The following LARP4B variants were observed in gnomAD, a reference collection of about 807,000 sequenced individuals.
LARP4B encodes the protein La ribonucleoprotein 4B, also known as la-related protein 4B.
A neutral mutation model predicts 89.8 loss-of-function variants in LARP4B; 12 were observed. The ratio of observed to expected loss-of-function variants is 0.13; its 90% CI spans 0.09 to 0.22. LARP4B has a LOEUF of 0.22. LARP4B is among the 10% of genes least tolerant of loss of function. The pLI, the probability that LARP4B is intolerant of heterozygous loss-of-function variation, is 1.00. For synonymous variants in LARP4B, 367 were observed against 363.3 expected (o/e 1.01, Z -0.12); for missense variants, 757 against 947.7 (o/e 0.80, Z 2.64).
chr10:948,398 C>T, the LARP4B span, among the ~76,000 whole-genome samples: 1 of 152,170 alleles, frequency 6.6e-6, no homozygotes, highest in Non-Finnish European at 1.5e-5. Context: ...AGGTGCCCAC[C>T]ACCACAACTG....
At chr10:949,523 A>G in the LARP4B span, among the ~76,000 whole-genome samples, 1 of 151,162 alleles carries the variant, frequency 6.6e-6, no homozygotes, top group Non-Finnish European at 1.5e-5. Flanking sequence ...GTGACCTCCA[A>G]CCCGTTTTCC....
At chr10:959,220 G>A in the LARP4B span, among the ~76,000 whole-genome samples, 50 of 152,276 alleles carry the variant, frequency 3.3e-4, no homozygotes, top group Middle Eastern at 3.4e-3. Context: ...TGGGCTGCAG[G>A]GGTGTGGAAA....
intron 1 of LARP4B, among the ~76,000 whole-genome samples, chr10:912,598 G>A (rs555349639): frequency 1.1e-4 from 16 of 150,984 alleles, no homozygotes; most frequent in South Asian, 2.1e-4. Flanking sequence ...ATGGCCGAGC[G>A]CATTGGCTCA....
chr10:814,704 G>C lies in LARP4B; in HGVS notation c.1929+38C>G. The stretch of plus-strand genomic sequence containing the variant: ...CAGCGTCTGTTCACACCAGAGCCTC[G>C]CGGCTGTCGTGCAGGAAGGCAGGCA... On this transcript the variant is annotated intron_variant, in intron 17 of 17. Coordinates refer to ENST00000316157, the MANE Select transcript of LARP4B (RefSeq NM_015155.3). The surrounding 1 kb of genome is among the most constrained non-coding windows in gnomAD (Gnocchi z 4.4). 6.4e-7 allele frequency: 1 copy of C among 1,562,642 alleles called. No homozygotes were observed. Among genetic ancestry groups the C allele is most frequent in the Non-Finnish European group, 8.7e-7 (1 of 1,152,936 alleles).
intron 9 of LARP4B, among the ~76,000 whole-genome samples, chr10:830,298 C>T (rs965794018): frequency 9.2e-5 from 14 of 152,230 alleles, no homozygotes; most frequent in Admixed American, 5.2e-4. Context: ...GTTACTCTAT[C>T]TTCCGTTCCC....
In LARP4B at chr10:836,789, A is replaced by G. The variant is rs1833245455; in HGVS notation, c.647-283T>C. Among the ~76,000 whole-genome samples the G allele has an allele frequency of 2.6e-5, 4 of 152,342 alleles. 1 individual carries two copies. The South Asian group carries it at 8.3e-4, about 32-fold the overall frequency. On this transcript the variant is annotated intron_variant, in intron 7 of 17. Transcript: ENST00000316157. ...GGTTAACGGCTTTCTCCTTTCCACC[A>G]GTACCTAAAGTGAGATAATCTTGTT...
At chr10:944,273 C>A in the LARP4B span, among the ~76,000 whole-genome samples, 42 of 152,276 alleles carry the variant, frequency 2.8e-4, no homozygotes, top group Admixed American at 7.2e-4. Flanking sequence ...CCTAGTAAGA[C>A]AATTGCATTC....
chr10:908,030 AC>A (rs1836542169), intron 1 of LARP4B, among the ~76,000 whole-genome samples: 1 of 152,144 alleles, frequency 6.6e-6, no homozygotes, highest in Admixed American at 6.5e-5. Flanking sequence ...ACATGGTGAA[AC>A]CCCATCTCTA....
intron 8 of LARP4B, among the ~76,000 whole-genome samples, chr10:833,132 A>G (rs929201937): frequency 6.6e-6 from 1 of 152,030 alleles, no homozygotes; most frequent in Admixed American, 6.6e-5. Flanking sequence ...AGGGTCAGCT[A>G]AAAACCCTAA....
At chr10:955,487 G>A in the LARP4B span, among the ~76,000 whole-genome samples, 5 of 152,238 alleles carry the variant, frequency 3.3e-5, no homozygotes, top group Admixed American at 3.3e-4. The surrounding 1 kb of genome is among the most constrained non-coding windows in gnomAD (Gnocchi z 5.2). Context: ...TTTGGTGCCA[G>A]TAATTGATAA....
At chr10:864,588 C>T (rs1053396370) in intron 3 of LARP4B, among the ~76,000 whole-genome samples, 11 of 152,154 alleles carry the variant, frequency 7.2e-5, no homozygotes, top group African/African-American at 2.7e-4. Flanking sequence ...TTCCTAGACT[C>T]CTAATAAAAT....
At chr10:823,707 G>GCCCTGCAACCCTC (rs1832473002) in intron 13 of LARP4B, among the ~76,000 whole-genome samples, 1 of 151,784 alleles carries the variant, frequency 6.6e-6, no homozygotes. Context: ...CTGAGCCCCA[G>GCCCTGCAACCCTC]CTCTGCAACC....
intron 7 of LARP4B, 65 bp downstream of exon 7, chr10:842,867 G>A (rs1833591829): frequency 1.4e-6 from 2 of 1,473,142 alleles, no homozygotes; most frequent in African/African-American, 1.4e-5. Context: ...AGATTTAAAG[G>A]TTCATGCTGA....
intron 17 of LARP4B, among the ~76,000 whole-genome samples, chr10:813,535 C>T (rs1317146501): frequency 1.3e-5 from 2 of 152,252 alleles, no homozygotes; most frequent in Admixed American, 1.3e-4. Context: ...GCTGCCCACA[C>T]TGGCTCCGCC....
chr10:958,304 C>G, the LARP4B span, among the ~76,000 whole-genome samples: 1 of 152,188 alleles, frequency 6.6e-6, no homozygotes, highest in African/African-American at 2.4e-5. Flanking sequence ...TATCTGACCA[C>G]TGTCAGGCCC....
At chr10:904,725 G>A (rs1305479118) in intron 1 of LARP4B, among the ~76,000 whole-genome samples, 1 of 152,186 alleles carries the variant, frequency 6.6e-6, no homozygotes, top group Admixed American at 6.5e-5. Context: ...TCCAGGTACT[G>A]TGGCGATGTC....
chr10:922,329 TG>T (rs1298572666), intron 1 of LARP4B, among the ~76,000 whole-genome samples: 9 of 152,180 alleles, frequency 5.9e-5, no homozygotes, highest in Non-Finnish European at 1.2e-4. Flanking sequence ...CAGGCCATGA[TG>T]GGTACGGGTC....
intron 1 of LARP4B, among the ~76,000 whole-genome samples, chr10:925,558 G>C (rs1490701067): frequency 6.6e-6 from 1 of 152,054 alleles, no homozygotes; most frequent in East Asian, 1.9e-4. Context: ...TTTTCAGACA[G>C]AGCCTCACTC....
chr10:903,462 TTTC>T (rs1836399395), intron 1 of LARP4B: 2 of 152,240 alleles, frequency 1.3e-5, no homozygotes, highest in Admixed American at 6.5e-5. Flanking sequence ...GAATATGTAT[TTTC>T]TTGAGATTAT....
Sources: allele counts gnomAD v4.1 joint callset (sites outside exome capture counted in the v4.1 genomes callset), GRCh38; gene constraint gnomAD v4.1.1; non-coding constraint Gnocchi (gnomAD v3.1); transcripts MANE v1.5; gene names NCBI Gene and HGNC (gene_info 2026-07-23, HGNC 2026-07-21).